Variants in TANC1 observed in about 807,000 individuals in gnomAD.
TANC1 encodes the protein tetratricopeptide repeat, ankyrin repeat and coiled-coil containing 1.
In TANC1, 77 loss-of-function variants were observed where a neutral mutation model predicts 149.7. The ratio of observed to expected loss-of-function variants is 0.51; its 90% CI spans 0.43 to 0.62. TANC1 has a LOEUF of 0.62. Among genes scored for constraint, TANC1 ranks in the 20% least tolerant of loss-of-function variants. The pLI is 0.00. For synonymous variants in TANC1, 854 were observed against 925.0 expected, an observed-to-expected ratio of 0.92 and a Z score of 1.39; for missense variants, 1,985 against 2,321.8, an observed-to-expected ratio of 0.85 and a Z score of 2.98.
chr2:159,175,882 C>T (rs759153167), intron 12 of TANC1, among the ~76,000 whole-genome samples: 8 of 152,200 alleles, frequency 5.3e-5, no homozygotes, highest in East Asian at 1.9e-4. Context: ...GAGTCGGTAG[C>T]GTGGAGCTCT....
At chr2:159,131,641 C>G (rs1193878224) in intron 4 of TANC1, among the ~76,000 whole-genome samples, 1 of 152,162 alleles carries the variant, frequency 6.6e-6, no homozygotes, top group African/African-American at 2.4e-5. Flanking sequence ...CCTTTCCCCA[C>G]TGGTCTTTCT....
chr2:159,170,731 A>T lies in TANC1; in HGVS notation c.1277A>T (p.Lys426Met), dbSNP rs1463151242. The change falls in exon 10 of 27, where the codon AAG becomes ATG. Residue 426 changes from lysine to methionine, a missense_variant. Lys to Met is a moderately conservative substitution (Grantham distance 95). Around this residue, in one of 3 missense-constraint regions of TANC1, gnomAD observed 557 missense variants for 612.9 expected, o/e 0.91. Transcript: ENST00000263635. ...VGFGKTAIIS[K>M]LVALSCHGSR... ...TTTGGGAAGACGGCAATCATTTCCA[A>T]GTTGGTGGCCCTGAGCTGCCACGGA... The T allele has an allele frequency of 3.7e-6, 6 of 1,614,170 alleles. No homozygotes were observed. Among genetic ancestry groups the T allele is most frequent in the Non-Finnish European group, 5.1e-6 (6 of 1,180,026 alleles).
chr2:158,974,601 T>C (rs909341422), intron 1 of TANC1, among the ~76,000 whole-genome samples: 1 of 151,998 alleles, frequency 6.6e-6, no homozygotes, highest in Non-Finnish European at 1.5e-5. Flanking sequence ...CCTGGCTAAT[T>C]TTTGTGTTTT....
intron 1 of TANC1, among the ~76,000 whole-genome samples, chr2:158,989,721 A>G (rs2035414067): frequency 3.3e-5 from 5 of 152,024 alleles, no homozygotes; most frequent in African/African-American, 1.2e-4. Context: ...GAGTATCCAT[A>G]ATAATTATGA....
chr2:159,183,811 C>T (rs1305976360), intron 14 of TANC1, among the ~76,000 whole-genome samples: 1 of 152,062 alleles, frequency 6.6e-6, no homozygotes, highest in African/African-American at 2.4e-5. Flanking sequence ...GGGACCGGGG[C>T]CTGAGTGACG....
intron 2 of TANC1, among the ~76,000 whole-genome samples, chr2:159,043,771 G>C (rs2040835337): frequency 6.6e-6 from 1 of 152,152 alleles, no homozygotes; most frequent in Non-Finnish European, 1.5e-5. Flanking sequence ...AATAAGGTCA[G>C]ACTGGCTGTC....
rs1157007058 is a variant in TANC1 at position 159,141,357 on chromosome 2, C to T, written c.364+5059C>T. Among the ~76,000 whole-genome samples, 9 of 152,052 alleles carry T rather than the reference C, an allele frequency of 5.9e-5. No homozygotes were observed. The East Asian group carries it at 1.5e-3, about 26-fold the overall frequency. On this transcript the variant is annotated intron_variant, in intron 5 of 26. Transcript: ENST00000263635. ...ATGGAGTGGGACTGGAAAGAGACTA[C>T]GGTTAAGAATGATTAAAAAATTGTT...
In TANC1 at chr2:159,229,881, C is replaced by G; in HGVS notation, c.4455C>G (p.Ser1485=). ...PRSQPSSSVP[S]SYIRNLQEGL... ...CCCAGCCATCCTCATCTGTCCCTTC[C>G]TCATACATCCGAAACCTTCAAGAAG... Residue 1485 remains serine, a synonymous_variant, in exon 27 of 27, where the codon TCC becomes TCG. Coordinates refer to ENST00000263635, the MANE Select transcript of TANC1 (RefSeq NM_033394.3). 6.2e-7 allele frequency: 1 copy of G among 1,614,102 alleles called. No individual in the cohort carries two copies. The highest frequency in any genetic ancestry group is 8.5e-7 in the Non-Finnish European group (1 of 1,180,032).
rs948464196 is a variant in TANC1 at position 159,175,902 on chromosome 2, T to C, written c.1736-450T>C. Among the ~76,000 whole-genome samples the C allele has an allele frequency of 7.2e-5, 11 of 151,992 alleles. No homozygotes were observed. In the East Asian group the frequency reaches 1.9e-3, roughly 27 times the overall value. On this transcript the variant is annotated intron_variant, in intron 12 of 26. Coordinates refer to ENST00000263635, the MANE Select transcript of TANC1 (RefSeq NM_033394.3). ...GGTAGCGTGGAGCTCTCACGCTGTG[T>C]TGGTTGTATGGCTTGGCCAGGGCAG...
chr2:159,016,559 T>A (rs1394994641), intron 2 of TANC1, among the ~76,000 whole-genome samples: 6 of 151,898 alleles, frequency 4.0e-5, no homozygotes, highest in African/African-American at 1.5e-4. Flanking sequence ...TTAGTTTATA[T>A]GCAGCTTGGT....
At chr2:159,043,243 G>A (rs763918094) in intron 2 of TANC1, among the ~76,000 whole-genome samples, 5 of 152,130 alleles carry the variant, frequency 3.3e-5, no homozygotes, top group Non-Finnish European at 7.3e-5. Context: ...TCGTCTCATA[G>A]GGAAGAGTGC....
At chr2:159,169,420 C>A in intron 9 of TANC1, 48 bp downstream of exon 9, 1 of 1,593,066 alleles carries the variant, frequency 6.3e-7, no homozygotes, top group South Asian at 1.1e-5. Flanking sequence ...CTAACTCAGT[C>A]AGTAACTTTG....
At chr2:159,062,060 A>C (rs573347919) in intron 2 of TANC1, among the ~76,000 whole-genome samples, 1 of 152,276 alleles carries the variant, frequency 6.6e-6, no homozygotes, top group Admixed American at 6.5e-5. Flanking sequence ...CAACATGGTG[A>C]AACCCCGTCT....
intron 2 of TANC1, among the ~76,000 whole-genome samples, chr2:159,028,560 C>T (rs988260582): frequency 7.9e-5 from 12 of 152,188 alleles, no homozygotes; most frequent in Non-Finnish European, 1.6e-4. Context: ...AAACAAAACA[C>T]ATGAGATCTA....
At chr2:159,217,411 C>G (rs2059416971) in intron 19 of TANC1, 86 bp from the exon 20 acceptor site, 1 of 1,560,458 alleles carries the variant, frequency 6.4e-7, no homozygotes, top group South Asian at 1.2e-5. Flanking sequence ...CCATCTCCCA[C>G]TGGGGGAGAG....
rs146189474 is a variant in TANC1, at chr2:159,040,491, C to T, written c.-15-25405C>T. Among the ~76,000 whole-genome samples the T allele has an allele frequency of 7.0e-3, 1,064 of 152,294 alleles. 11 individuals carry two copies. The highest frequency in any genetic ancestry group is 0.023 in the African/African-American group (958 of 41,552). ...TCTTCTTTCTCTAAACTTCTCTTCT[C>T]GCTTCATTTCATTCATTTGATCTTC... On this transcript the variant is annotated intron_variant, in intron 2 of 26. Transcript: ENST00000263635.
chr2:159,108,575 A>G (rs2047411422), intron 4 of TANC1, among the ~76,000 whole-genome samples: 1 of 152,252 alleles, frequency 6.6e-6, no homozygotes, highest in African/African-American at 2.4e-5. Flanking sequence ...ACAGGAGCCC[A>G]TGCAGGTGAT....
At chr2:159,138,494 G>A (rs2051013908) in intron 5 of TANC1, among the ~76,000 whole-genome samples, 2 of 152,164 alleles carry the variant, frequency 1.3e-5, no homozygotes, top group Admixed American at 6.5e-5. Context: ...CCATGTCAAA[G>A]TGTAAATTTT....
chr2:159,199,095 T>C (rs2058066731), intron 19 of TANC1, 42 bp downstream of exon 19: 35 of 1,531,216 alleles, frequency 2.3e-5, no homozygotes, highest in Non-Finnish European at 3.2e-5. Context: ...GCAGCTTGCT[T>C]GATGTTTTAG....
Sources: allele counts gnomAD v4.1 joint callset (sites outside exome capture counted in the v4.1 genomes callset), GRCh38; gene constraint gnomAD v4.1.1; regional missense constraint gnomAD v4.1.1; transcripts MANE v1.5; gene names NCBI Gene and HGNC (gene_info 2026-07-23, HGNC 2026-07-21).